AHI1: variants seen among roughly 807,000 people sequenced by gnomAD.
AHI1 encodes jouberin.
AHI1 carries 123 observed loss-of-function variants against 149.3 expected under a neutral mutation model. That is an observed-to-expected ratio of 0.82 (90% confidence interval 0.71 to 0.96). AHI1 has a LOEUF of 0.96. Ranked by LOEUF, AHI1 falls within the 40% of genes least tolerant of loss-of-function variation. The probability of loss-of-function intolerance (pLI) is 0.00; values close to 1 mark genes in which losing one functional copy is unlikely to be tolerated. For synonymous variants in AHI1, 475 were observed against 459.8 expected, an observed-to-expected ratio of 1.03 and a Z score of -0.42; for missense variants, 1,439 against 1,422.7, an observed-to-expected ratio of 1.01 and a Z score of -0.18.
chr6:135,416,890 T>C (rs567329967), intron 20 of AHI1, among the ~76,000 whole-genome samples: 2 of 152,204 alleles, frequency 1.3e-5, no homozygotes, highest in Non-Finnish European at 2.9e-5. Flanking sequence ...CATTCCTCAA[T>C]ACTAATTACT....
chr6:135,489,466 A>G (rs534417442), intron 5 of AHI1, among the ~76,000 whole-genome samples: 1 of 152,292 alleles, frequency 6.6e-6, no homozygotes, highest in South Asian at 2.1e-4. Flanking sequence ...ATCTCTGCAG[A>G]CAACTGTTTC....
chr6:135,392,626 T>G (rs1043390402), intron 23 of AHI1, among the ~76,000 whole-genome samples: 1 of 152,230 alleles, frequency 6.6e-6, no homozygotes, highest in Non-Finnish European at 1.5e-5. Context: ...CATGATTTGT[T>G]TTTGTAGTCA....
chr6:135,407,876 C>CA (rs1409687507), intron 21 of AHI1, among the ~76,000 whole-genome samples: 7 of 149,590 alleles, frequency 4.7e-5, no homozygotes, highest in African/African-American at 9.9e-5. Context: ...ACTAAAAATA[C>CA]AAAAAAAAAT....
chr6:135,443,451 A>G (rs963506931), intron 13 of AHI1, among the ~76,000 whole-genome samples: 10 of 152,244 alleles, frequency 6.6e-5, no homozygotes, highest in African/African-American at 1.9e-4. Context: ...GGCTCTTACT[A>G]TATGTCATGA....
At position 135,344,034 on chromosome 6, in the gene AHI1, T is replaced by C. The variant is rs1458503202; in HGVS notation, c.3165+14098A>G. ...ACCCTTGGAGGATTGGTTCCAGGAT[T>C]CCCCTTGGACAACAAAATCTGTGGA... is the stretch of plus-strand genomic sequence containing the variant. On this transcript the variant is annotated intron_variant, in intron 24 of 28. Coordinates refer to ENST00000265602, the MANE Select transcript of AHI1 (RefSeq NM_001134831.2). Among the ~76,000 whole-genome samples the C allele has an allele frequency of 2.0e-5, 3 of 152,086 alleles. No homozygotes were observed. The East Asian group carries it at 5.8e-4, about 29-fold the overall frequency.
intron 5 of AHI1, among the ~76,000 whole-genome samples, chr6:135,468,048 AT>A (rs1334597976): frequency 6.6e-6 from 1 of 152,224 alleles, no homozygotes; most frequent in Non-Finnish European, 1.5e-5. Context: ...TAGTTAAAAA[AT>A]ATCCAATGTA....
At chr6:135,374,104 ATATATTTTTT>A (rs1470770199) in intron 23 of AHI1, among the ~76,000 whole-genome samples, 1,497 of 31,610 alleles carry the variant, frequency 0.047, 5 homozygotes, top group Middle Eastern at 0.13. Flanking sequence ...ATATATATAT[ATATATTTTTT>A]TTTTTTTTTT....
chr6:135,346,952 T>G (rs562145112), intron 24 of AHI1, among the ~76,000 whole-genome samples: 10 of 152,316 alleles, frequency 6.6e-5, no homozygotes, highest in African/African-American at 2.4e-4. Flanking sequence ...TACTTACACA[T>G]CTTTAACCCA....
intron 21 of AHI1, among the ~76,000 whole-genome samples, chr6:135,407,839 C>T (rs988253841): frequency 2.6e-5 from 4 of 151,708 alleles, no homozygotes; most frequent in Admixed American, 1.3e-4. Context: ...GGTGAAACCC[C>T]GTCTCTACTA....
rs562607003 is a variant in AHI1, at chr6:135,431,829, CACT to C, written c.2267-518_2267-516del. On this transcript the variant is annotated intron_variant, in intron 16 of 28. Coordinates refer to ENST00000265602, the MANE Select transcript of AHI1 (RefSeq NM_001134831.2). ...CACTCAGGAATATCTCAAACACCAC[CACT>C]AACAGATGGCTGTTCAGCAACTGTG... Among the ~76,000 whole-genome samples, 197 of 152,218 alleles carry C rather than the reference CACT, an allele frequency of 1.3e-3. 1 individual carries two copies. Among genetic ancestry groups the C allele is most frequent in the African/African-American group, 4.5e-3 (189 of 41,540 alleles).
At chr6:135,420,398 G>C (rs1782981293) in intron 20 of AHI1, among the ~76,000 whole-genome samples, 1 of 152,080 alleles carries the variant, frequency 6.6e-6, no homozygotes, top group African/African-American at 2.4e-5. Flanking sequence ...CTCCTCTTTA[G>C]CTATGAAACT....
chr6:135,382,850 C>A (rs112559060), intron 23 of AHI1, among the ~76,000 whole-genome samples: 1 of 122,144 alleles, frequency 8.2e-6, no homozygotes, highest in Non-Finnish European at 1.6e-5. Context: ...ACATGAAGAG[C>A]TGCTTGCTTG....
chr6:135,424,252 T>G (rs1237919396), intron 20 of AHI1, among the ~76,000 whole-genome samples: 1 of 152,048 alleles, frequency 6.6e-6, no homozygotes, highest in Non-Finnish European at 1.5e-5. Context: ...ACAGCCCCTA[T>G]GTCATAAGAT....
intron 25 of AHI1, among the ~76,000 whole-genome samples, chr6:135,320,102 T>C (rs531278161): frequency 6.6e-6 from 1 of 152,208 alleles, no homozygotes; most frequent in Non-Finnish European, 1.5e-5. Flanking sequence ...TTTTCTCTAA[T>C]GTTAAAACTG....
chr6:135,324,733 AT>A (rs1475139385), intron 24 of AHI1, among the ~76,000 whole-genome samples: 1 of 152,072 alleles, frequency 6.6e-6, no homozygotes, highest in Non-Finnish European at 1.5e-5. Context: ...ATGCATGTTG[AT>A]AAAGTTCAGA....
intron 20 of AHI1, among the ~76,000 whole-genome samples, chr6:135,414,171 C>G (rs1237525160): frequency 6.6e-6 from 1 of 151,976 alleles, no homozygotes; most frequent in African/African-American, 2.4e-5. Context: ...GGTGTATAGA[C>G]AAAGTATAAA....
At chr6:135,340,449 T>A (rs1790122281) in intron 24 of AHI1, among the ~76,000 whole-genome samples, 3 of 149,472 alleles carry the variant, frequency 2.0e-5, no homozygotes, top group South Asian at 2.1e-4. Flanking sequence ...AAAAAATAAA[T>A]TAAAAAAAGG....
chr6:135,457,276 C>A (rs962736570), intron 9 of AHI1, among the ~76,000 whole-genome samples: 1 of 152,118 alleles, frequency 6.6e-6, no homozygotes, highest in African/African-American at 2.4e-5. Flanking sequence ...AAGCGAGACT[C>A]CATCTCGGAA....
intron 26 of AHI1, among the ~76,000 whole-genome samples, chr6:135,315,985 C>T (rs994823365): frequency 6.6e-6 from 1 of 152,172 alleles, no homozygotes; most frequent in Non-Finnish European, 1.5e-5. Flanking sequence ...CTGTCCTCTG[C>T]ATTCTAGGAT....
Sources: gnomAD v4.1 joint callset for allele counts (sites outside exome capture counted in the v4.1 genomes callset) on GRCh38, gnomAD v4.1.1 for gene constraint, MANE v1.5 for transcripts, NCBI Gene and HGNC (gene_info 2026-07-23, HGNC 2026-07-21) for gene names.